The following XRCC4 variants were observed in gnomAD, a reference collection of about 807,000 sequenced individuals.
XRCC4 encodes the protein X-ray repair cross complementing 4.
XRCC4 carries 28 observed loss-of-function variants against 39.1 expected under a neutral mutation model. The observed-to-expected ratio is 0.72, with a 90% CI of 0.53 to 0.98. The LOEUF is 0.98. XRCC4 is among the 50% of genes least tolerant of loss of function. The pLI, the probability that XRCC4 is intolerant of heterozygous loss-of-function variation, is 0.00. For missense variants in XRCC4, 350 were observed against 376.4 expected, an observed-to-expected ratio of 0.93 and a Z score of 0.58; for synonymous variants, 123 against 126.4, an observed-to-expected ratio of 0.97 and a Z score of 0.18.
At chr5:83,191,023 A>G (rs1483737519) in intron 3 of XRCC4, among the ~76,000 whole-genome samples, 1 of 152,182 alleles carries the variant, frequency 6.6e-6, no homozygotes, top group East Asian at 1.9e-4. Context: ...ATAAATAAAT[A>G]ATCAAAATTT....
chr5:83,362,791 T>C, the XRCC4 span, among the ~76,000 whole-genome samples: 7 of 152,312 alleles, frequency 4.6e-5, no homozygotes, highest in African/African-American at 1.4e-4. Flanking sequence ...TTTATTATTC[T>C]CTGTATCAAT....
intron 6 of XRCC4, among the ~76,000 whole-genome samples, chr5:83,218,352 C>T (rs905129561): frequency 1.3e-5 from 2 of 151,618 alleles, no homozygotes; most frequent in Admixed American, 6.6e-5. Flanking sequence ...TTAGTGTTCC[C>T]TGCAACCTAT....
chr5:83,303,090 G>A (rs1458022458), intron 7 of XRCC4, among the ~76,000 whole-genome samples: 1 of 151,976 alleles, frequency 6.6e-6, no homozygotes, highest in Non-Finnish European at 1.5e-5. Flanking sequence ...GCACAAGCCT[G>A]TAGTCCCAGC....
At chr5:83,362,058 A>C in the XRCC4 span, among the ~76,000 whole-genome samples, 1 of 151,942 alleles carries the variant, frequency 6.6e-6, no homozygotes, top group Non-Finnish European at 1.5e-5. Context: ...GTCATGTAAC[A>C]TGTTTTTATG....
chr5:83,079,157 A>G (rs973056544), intron 1 of XRCC4, among the ~76,000 whole-genome samples: 23 of 152,372 alleles, frequency 1.5e-4, no homozygotes, highest in African/African-American at 5.5e-4. Context: ...CTATATCTAT[A>G]TATTTTAATT....
intron 6 of XRCC4, among the ~76,000 whole-genome samples, chr5:83,207,762 A>G (rs1221482708): frequency 1.3e-5 from 2 of 152,058 alleles, no homozygotes; most frequent in African/African-American, 4.8e-5. Flanking sequence ...TTTTTAGTCC[A>G]TGAGAGATAA....
chr5:83,299,716 A>G (rs1755210625), intron 7 of XRCC4, among the ~76,000 whole-genome samples: 1 of 152,054 alleles, frequency 6.6e-6, no homozygotes, highest in Non-Finnish European at 1.5e-5. Flanking sequence ...TTCAAGTATC[A>G]TGTTTTATTT....
intron 6 of XRCC4, among the ~76,000 whole-genome samples, chr5:83,251,758 G>A (rs1183997902): frequency 7.9e-5 from 12 of 152,144 alleles, no homozygotes; most frequent in Non-Finnish European, 1.2e-4. Flanking sequence ...ACTTATAGCT[G>A]TACTGGCTAA....
chr5:83,275,941 C>T (rs1754316385), intron 7 of XRCC4, among the ~76,000 whole-genome samples: 1 of 152,132 alleles, frequency 6.6e-6, no homozygotes, highest in Non-Finnish European at 1.5e-5. Context: ...GTTGATTATA[C>T]CTGGATTTGA....
chr5:83,146,386 A>G (rs1469895019), intron 3 of XRCC4, among the ~76,000 whole-genome samples: 1 of 152,206 alleles, frequency 6.6e-6, no homozygotes, highest in Non-Finnish European at 1.5e-5. Context: ...GCAAATGGAC[A>G]GTTTGTATGA....
At chr5:83,272,578 T>C (rs1754180761) in intron 7 of XRCC4, among the ~76,000 whole-genome samples, 1 of 152,038 alleles carries the variant, frequency 6.6e-6, no homozygotes, top group Non-Finnish European at 1.5e-5. Flanking sequence ...TCCCTCTTCT[T>C]TCCCCCCACC....
chr5:83,123,772 T>C (rs535304040), intron 3 of XRCC4, among the ~76,000 whole-genome samples: 14 of 152,272 alleles, frequency 9.2e-5, no homozygotes, highest in Admixed American at 8.5e-4. Flanking sequence ...AGTGATATAC[T>C]ACTTCACAGA....
intron 3 of XRCC4, among the ~76,000 whole-genome samples, chr5:83,163,510 C>T (rs2112592574): frequency 6.6e-6 from 1 of 152,266 alleles, no homozygotes; most frequent in East Asian, 1.9e-4. Flanking sequence ...TGACAGAGCA[C>T]TGTAAACAAA....
At chr5:83,305,107 G>C (rs1178162256) in intron 7 of XRCC4, among the ~76,000 whole-genome samples, 1 of 152,020 alleles carries the variant, frequency 6.6e-6, no homozygotes, top group Non-Finnish European at 1.5e-5. Context: ...TTTATAATAA[G>C]CTTTATTTTT....
chr5:83,134,155 G>T (rs1225508588), intron 3 of XRCC4, among the ~76,000 whole-genome samples: 1 of 151,998 alleles, frequency 6.6e-6, no homozygotes, highest in Non-Finnish European at 1.5e-5. Context: ...TCTCTTTCTC[G>T]CTTTCCCTAT....
intron 7 of XRCC4, among the ~76,000 whole-genome samples, chr5:83,302,470 C>T (rs1755324277): frequency 6.6e-6 from 1 of 152,170 alleles, no homozygotes; most frequent in African/African-American, 2.4e-5. Context: ...TTGCGCTTCC[C>T]AGGTGACACA....
At chr5:83,251,964 T>G (rs1253537994) in intron 6 of XRCC4, among the ~76,000 whole-genome samples, 1 of 152,230 alleles carries the variant, frequency 6.6e-6, no homozygotes, top group African/African-American at 2.4e-5. Context: ...ATTTACAGAA[T>G]TGAAAATGGG....
the XRCC4 span, among the ~76,000 whole-genome samples, chr5:83,372,161 C>G: frequency 6.6e-6 from 1 of 152,098 alleles, no homozygotes; most frequent in Non-Finnish European, 1.5e-5. Context: ...ACCATCTAAT[C>G]ACTTCCCAGG....
chr5:83,138,913 C>T (rs7716962), intron 3 of XRCC4, among the ~76,000 whole-genome samples: 69,141 of 151,724 alleles, frequency 0.46, 16,562 homozygotes, highest in African/African-American at 0.58. Flanking sequence ...TTTTTTATTG[C>T]TTAATTTTAG....
Sources: allele counts gnomAD v4.1 joint callset (sites outside exome capture counted in the v4.1 genomes callset), GRCh38; gene constraint gnomAD v4.1.1; transcripts MANE v1.5; gene names NCBI Gene and HGNC (gene_info 2026-07-23, HGNC 2026-07-21).